TPM4: variants seen among roughly 807,000 people sequenced by gnomAD.
TPM4 encodes the protein tropomyosin 4, also known as tropomyosin alpha-4 chain.
TPM4 carries 17 observed loss-of-function variants against 35.8 expected under a neutral mutation model. That is an observed-to-expected ratio of 0.47 (90% CI 0.32 to 0.71). TPM4 has a LOEUF of 0.71. Among genes scored for constraint, TPM4 ranks in the 30% least tolerant of loss-of-function variants. TPM4 has a pLI of 0.03. For missense variants in TPM4, 240 were observed against 320.9 expected (o/e 0.75, Z 1.93); for synonymous variants, 120 against 122.9 (o/e 0.98, Z 0.15).
chr19:16,093,805 C>T, intron 7 of TPM4, 52 bp downstream of exon 7: 1 of 1,597,604 alleles, frequency 6.3e-7, no homozygotes, highest in Admixed American at 1.7e-5. Context: ...CCCTCTGGGA[C>T]ACATCCACGG....
chr19:16,076,074 A>C, upstream of TPM4: 1 of 1,605,456 alleles, frequency 6.2e-7, no homozygotes, highest in South Asian at 1.1e-5. Context: ...GCACCTCCAG[A>C]AGAAACTAAA....
chr19:16,082,048 T>A lies in TPM4; in HGVS notation c.266+2T>A. ...AAAAGCTGCAGATGAGAGTGAGAGG[T>A]AAGGACGCTTTGAATCTGGTGGCAT... On this transcript the variant is annotated splice_donor_variant, in intron 2 of 7. Coordinates refer to ENST00000643579, the MANE Select transcript of TPM4 (RefSeq NM_003290.3). LOFTEE classifies it high-confidence loss of function. 6.3e-7 allele frequency: 1 copy of A among 1,578,458 alleles called. No individual in the cohort carries two copies. Among genetic ancestry groups the A allele is most frequent in the Non-Finnish European group, 8.7e-7 (1 of 1,150,096 alleles).
chr19:16,069,426 T>TGA (rs1491511147), intron 2 of TPM4, among the ~76,000 whole-genome samples: 18 of 147,550 alleles, frequency 1.2e-4, no homozygotes, highest in South Asian at 2.1e-4. Flanking sequence ...TGTTGGTGTG[T>TGA]ATGTGTGTGA....
chr19:16,076,023 C>G, upstream of TPM4: 1 of 1,598,692 alleles, frequency 6.3e-7, no homozygotes, highest in Non-Finnish European at 8.5e-7. Context: ...CAGGCTGACC[C>G]GTTCCTCGCT....
intron 7 of TPM4, chr19:16,095,156 A>C: frequency 1.6e-6 from 1 of 620,190 alleles, no homozygotes. Context: ...TTGTTTGCTC[A>C]CGTGTTTTTT....
At chr19:16,100,370 A>G (rs534446142) in intron 7 of TPM4, 1 of 152,340 alleles carries the variant, frequency 6.6e-6, no homozygotes, top group South Asian at 2.1e-4. Flanking sequence ...AGTACATCTC[A>G]TGCAACATTT....
At chr19:16,073,475 T>C (rs2090374095), upstream of TPM4, among the ~76,000 whole-genome samples, 1 of 152,192 alleles carries the variant, frequency 6.6e-6, no homozygotes, top group Admixed American at 6.5e-5. Flanking sequence ...AGGTTTCTGT[T>C]CTGCAGATGG....
chr19:16,094,535 C>CA (rs75791596), intron 7 of TPM4, among the ~76,000 whole-genome samples: 1,978 of 132,470 alleles, frequency 0.015, 7 homozygotes, highest in Middle Eastern at 0.024. Flanking sequence ...GACTCCGTCT[C>CA]AAAAAAAAAA....
chr19:16,095,657 G>A, intron 7 of TPM4: 2 of 955,802 alleles, frequency 2.1e-6, no homozygotes, highest in Non-Finnish European at 2.5e-6. Flanking sequence ...TATGCCTACA[G>A]GATGCTTTTC....
chr19:16,068,968 T>C (rs750201984), intron 2 of TPM4, among the ~76,000 whole-genome samples: 2 of 152,102 alleles, frequency 1.3e-5, no homozygotes, highest in Non-Finnish European at 2.9e-5. Context: ...TGAAAGAGTG[T>C]GGGTGTGTTT....
intron 4 of TPM4, chr19:16,088,537 A>C (rs568812163): frequency 2.6e-5 from 27 of 1,044,768 alleles, no homozygotes; most frequent in Non-Finnish European, 3.1e-5. Context: ...CCAGAATCCC[A>C]CAAGCAAGCA....
chr19:16,091,690 A>G (rs1414437959), intron 5 of TPM4, among the ~76,000 whole-genome samples: 2 of 150,160 alleles, frequency 1.3e-5, no homozygotes, highest in Non-Finnish European at 3.0e-5. Flanking sequence ...TGAGAGGATC[A>G]CTTGAGCCTG....
At chr19:16,089,992 G>A (rs1354373638) in intron 5 of TPM4, among the ~76,000 whole-genome samples, 1 of 151,682 alleles carries the variant, frequency 6.6e-6, no homozygotes, top group African/African-American at 2.4e-5. Context: ...CCGATTACAC[G>A]CTAATTTTTA....
intron 1 of TPM4, chr19:16,079,777 G>A (rs1429409223): frequency 1.1e-5 from 2 of 178,266 alleles, no homozygotes; most frequent in East Asian, 9.3e-5. Context: ...TCGGCTCATT[G>A]CAACCTTCAC....
intron 5 of TPM4, among the ~76,000 whole-genome samples, chr19:16,092,727 C>G (rs934443557): frequency 6.6e-6 from 1 of 152,052 alleles, no homozygotes; most frequent in Non-Finnish European, 1.5e-5. Flanking sequence ...GTAAAGACAG[C>G]GTTTCGCCAT....
Position 16,070,245 on chromosome 19 carries a change from C to G in TPM4, c.114+2507C>G, listed in dbSNP as rs2090343696. 6.6e-6 allele frequency among the ~76,000 whole-genome samples: 1 copy of G among 152,164 alleles called. No homozygotes were observed. Among genetic ancestry groups the G allele is most frequent in the Non-Finnish European group, 1.5e-5 (1 of 68,022 alleles). The stretch of plus-strand genomic sequence containing the variant: ...ACCCAGAACTTTGGAGACAAGAGTC[C>G]TGGGAACCCTGGCAATGAGAATGCA... On this transcript the variant is annotated intron_variant, in intron 2 of 2. Transcript: ENST00000589897. The surrounding 1 kb of genome is among the most constrained non-coding windows in gnomAD (Gnocchi z 7.4).
chr19:16,097,379 A>G (rs140330328), intron 7 of TPM4, among the ~76,000 whole-genome samples: 3 of 151,938 alleles, frequency 2.0e-5, no homozygotes, highest in East Asian at 1.9e-4. Context: ...GGTTCAAGCA[A>G]TTCTCCTGCC....
chr19:16,093,849 G>A, intron 7 of TPM4, 96 bp downstream of exon 7: 1 of 1,442,482 alleles, frequency 6.9e-7, no homozygotes, highest in Non-Finnish European at 9.6e-7. Flanking sequence ...GGGCTGGGTT[G>A]GGCTTTGTTT....
chr19:16,067,761 G>A lies in TPM4; in HGVS notation c.114+23G>A. The stretch of plus-strand genomic sequence containing the variant: ...CAGGTGAGGTGCCCTCCGCTGGGCC[G>A]CTCCGGGCTGCTGGGAGTCCTCTCT... On this transcript the variant is annotated intron_variant, in intron 2 of 2. Transcript: ENST00000589897. This position sits in a 1 kb window ranked among gnomAD's most constrained non-coding sequence, Gnocchi z 4.1. 2.5e-6 allele frequency: 4 copies of A among 1,601,970 alleles called. No homozygotes were observed. Among genetic ancestry groups the A allele is most frequent in the South Asian group, 1.1e-5 (1 of 90,144 alleles).
Sources: allele counts gnomAD v4.1 joint callset (sites outside exome capture counted in the v4.1 genomes callset), GRCh38; gene constraint gnomAD v4.1.1; non-coding constraint Gnocchi (gnomAD v3.1); transcripts MANE v1.5; gene names NCBI Gene and HGNC (gene_info 2026-07-23, HGNC 2026-07-21).